The following WNK2 variants were observed in gnomAD, a reference collection of about 807,000 sequenced individuals.
The protein encoded by WNK2 is serine/threonine-protein kinase WNK2.
WNK2 carries 67 observed loss-of-function variants against 192.1 expected under a neutral mutation model. The observed-to-expected ratio is 0.35, with a 90% CI of 0.29 to 0.43. WNK2 has a LOEUF of 0.43. Ranked by LOEUF, WNK2 falls within the 20% of genes least tolerant of loss-of-function variation. The pLI is 1.00. For missense variants in WNK2, 2,698 were observed against 3,089.7 expected (o/e 0.87, Z 3.01); for synonymous variants, 1,439 against 1,393.9 (o/e 1.03, Z -0.72).
At chr9:93,256,663 G>C in intron 10 of WNK2, 1 of 683,448 alleles carries the variant, frequency 1.5e-6, no homozygotes, top group Non-Finnish European at 2.4e-6. Context: ...GTTTGTGTGC[G>C]TGCATAGTGT....
chr9:93,320,042 G>A (rs1448055719), intron 29 of WNK2, among the ~76,000 whole-genome samples: 1 of 152,224 alleles, frequency 6.6e-6, no homozygotes, highest in African/African-American at 2.4e-5. Context: ...GAGGGAGGAG[G>A]AACACTCATC....
chr9:93,208,486 CTGTG>C, intron 2 of WNK2, among the ~76,000 whole-genome samples: 1 of 152,142 alleles, frequency 6.6e-6, no homozygotes, highest in Non-Finnish European at 1.5e-5. Context: ...CATGTGTTCT[CTGTG>C]TGCATGTGTG....
At chr9:93,320,298 G>T in intron 29 of WNK2, 69 bp from the exon 30 acceptor site, 1 of 1,364,430 alleles carries the variant, frequency 7.3e-7, no homozygotes. Flanking sequence ...AGGGTGTCAG[G>T]GCCTGGCCCT....
chr9:93,298,841 T>C (rs1851069243), intron 24 of WNK2, among the ~76,000 whole-genome samples: 1 of 152,170 alleles, frequency 6.6e-6, no homozygotes, highest in African/African-American at 2.4e-5. Context: ...GTCACTATAT[T>C]TGCTCAACAC....
chr9:93,215,306 C>T (rs755326304), intron 2 of WNK2, among the ~76,000 whole-genome samples: 31 of 152,034 alleles, frequency 2.0e-4, no homozygotes, highest in Non-Finnish European at 2.6e-4. Flanking sequence ...GAGACAGTTT[C>T]GTCATGTTGG....
At chr9:93,318,347 A>G (rs1564253703) in intron 29 of WNK2, 2 of 1,592,214 alleles carry the variant, frequency 1.3e-6, no homozygotes, top group African/African-American at 1.3e-5. Flanking sequence ...AAGAGCTTCC[A>G]TTGCTAGGTG....
chr9:93,294,116 C>T (rs371016894), intron 23 of WNK2, among the ~76,000 whole-genome samples: 12 of 152,328 alleles, frequency 7.9e-5, no homozygotes, highest in African/African-American at 2.9e-4. Context: ...GTTTGTAAGT[C>T]GTGTCCTGTT....
In WNK2 at chr9:93,308,562, C is replaced by T; in HGVS notation, c.6494C>T (p.Ala2165Val). Reference sequence around the variant, plus strand: ...GACATGGAGGCCCAGGCAGGCTGGGCTGCCCCTGGCGAGGCGCGGGCTGTG... The same window carrying T: ...GACATGGAGGCCCAGGCAGGCTGGGTTGCCCCTGGCGAGGCGCGGGCTGTG... Reference protein sequence around the residue: ...LQDMEAQAGWAAPGEARAMTA... With the variant: ...LQDMEAQAGWVAPGEARAMTA... The change falls in exon 28 of 30, where the codon GCT (alanine) becomes GTT (valine). Residue 2165 changes from alanine (A) to valine (V), a missense_variant. Physicochemically the swap from Ala to Val is moderately conservative, Grantham distance 64. Transcript: ENST00000427277. 1 of 1,579,774 alleles carries T rather than the reference C, an allele frequency of 6.3e-7. No homozygotes were observed. The highest frequency in any genetic ancestry group is 8.6e-7 in the Non-Finnish European group (1 of 1,162,530).
Position 93,288,951 on chromosome 9 carries a change from A to G in WNK2, c.4197A>G (p.Ala1399=). 6.2e-7 allele frequency: 1 copy of G among 1,604,950 alleles called. No homozygotes were observed. Among genetic ancestry groups the G allele is most frequent in the Non-Finnish European group, 8.5e-7 (1 of 1,176,068 alleles). Residue 1399 remains alanine, a synonymous_variant, in exon 20 of 30, where the codon GCA becomes GCG. Coordinates refer to ENST00000427277, the MANE Select transcript of WNK2 (RefSeq NM_006648.4). ...PPVTALPQDG[A]APATSTMPEP... The stretch of plus-strand genomic sequence containing the variant: ...TGACTGCTCTGCCCCAAGATGGAGC[A>G]GCTCCAGCCACCAGCACCATGCCAG...
intron 19 of WNK2, among the ~76,000 whole-genome samples, chr9:93,276,474 G>A (rs1013162940): frequency 6.6e-6 from 1 of 152,180 alleles, no homozygotes; most frequent in African/African-American, 2.4e-5. Context: ...AACTGTGTAA[G>A]TTTTATAAGG....
intron 19 of WNK2, among the ~76,000 whole-genome samples, chr9:93,281,932 A>G (rs890880776): frequency 1.3e-5 from 2 of 152,206 alleles, no homozygotes; most frequent in Non-Finnish European, 2.9e-5. Flanking sequence ...ATGAAGAGAA[A>G]AGCAGTCATC....
chr9:93,281,494 A>C (rs571736736), intron 19 of WNK2, among the ~76,000 whole-genome samples: 1 of 152,314 alleles, frequency 6.6e-6, no homozygotes, highest in South Asian at 2.1e-4. Context: ...AACTAAAGTA[A>C]AATAAGGATA....
intron 2 of WNK2, among the ~76,000 whole-genome samples, chr9:93,190,849 G>A (rs1322247586): frequency 2.0e-5 from 3 of 152,240 alleles, no homozygotes; most frequent in Non-Finnish European, 4.4e-5. Flanking sequence ...CCTCCTCTAG[G>A]CGGCTGCTTT....
intron 4 of WNK2, among the ~76,000 whole-genome samples, chr9:93,231,578 A>G (rs1204452067): frequency 6.6e-6 from 1 of 152,220 alleles, no homozygotes; most frequent in African/African-American, 2.4e-5. Context: ...TGGAGCTCCC[A>G]GTGTCACCCG....
In WNK2 at chr9:93,229,027, CA is replaced by C. The variant is rs983636649; in HGVS notation, c.682-668del. Among the ~76,000 whole-genome samples the C allele has an allele frequency of 2.6e-5, 4 of 152,116 alleles. No individual in the cohort carries two copies. On this transcript the variant is annotated intron_variant, in intron 2 of 29. Transcript: ENST00000427277. This position sits in a 1 kb window ranked among gnomAD's most constrained non-coding sequence, Gnocchi z 4.9. ...CGGGCATGTGGTGCATGCACCTGACCAGGGTTCCCGGGTGATGATGGTGGCG... is the reference window on the plus strand; with the variant it reads ...CGGGCATGTGGTGCATGCACCTGACCGGGTTCCCGGGTGATGATGGTGGCG...
At chr9:93,248,890 A>G (rs1842153621) in intron 8 of WNK2, among the ~76,000 whole-genome samples, 1 of 152,236 alleles carries the variant, frequency 6.6e-6, no homozygotes, top group Non-Finnish European at 1.5e-5. Flanking sequence ...CCGGGCCAAT[A>G]TTTCAGATCA....
chr9:93,307,570 T>C (rs1475752965), intron 27 of WNK2: 1 of 152,322 alleles, frequency 6.6e-6, no homozygotes, highest in African/African-American at 2.4e-5. Context: ...AGCCGAGTGC[T>C]CTGGTGTGCT....
chr9:93,274,679 T>C (rs571717262), intron 19 of WNK2, among the ~76,000 whole-genome samples: 91 of 152,302 alleles, frequency 6.0e-4, no homozygotes, highest in African/African-American at 2.0e-3. Flanking sequence ...GACTAATTCC[T>C]CAAAAGCCAT....
chr9:93,220,834 G>T (rs1282450420), intron 2 of WNK2, among the ~76,000 whole-genome samples: 1 of 152,208 alleles, frequency 6.6e-6, no homozygotes, highest in Non-Finnish European at 1.5e-5. Flanking sequence ...GTGGTCCACA[G>T]TCCTGTCAGC....
Sources: allele counts gnomAD v4.1 joint callset (sites outside exome capture counted in the v4.1 genomes callset), GRCh38; gene constraint gnomAD v4.1.1; non-coding constraint Gnocchi (gnomAD v3.1); transcripts MANE v1.5; gene names NCBI Gene and HGNC (gene_info 2026-07-23, HGNC 2026-07-21).